The following SSBP2 variants were observed in gnomAD, a reference collection of about 807,000 sequenced individuals.
The protein encoded by SSBP2 is single-stranded DNA-binding protein 2.
A neutral mutation model predicts 61.8 loss-of-function variants in SSBP2; 17 were observed. The observed-to-expected ratio is 0.28, with a 90% CI of 0.19 to 0.41. The LOEUF (loss-of-function observed/expected upper bound fraction) is 0.41, where lower values mean the gene tolerates loss of function less well. Ranked by LOEUF, SSBP2 falls within the 10% of genes least tolerant of loss-of-function variation. The probability of loss-of-function intolerance (pLI) is 1.00; values close to 1 mark genes in which losing one functional copy is unlikely to be tolerated. For missense variants in SSBP2, 310 were observed against 458.7 expected (o/e 0.68, Z 2.96); for synonymous variants, 139 against 141.3 (o/e 0.98, Z 0.12).
At chr5:81,636,739 A>G (rs1748276137) in intron 2 of SSBP2, 121 bp from the exon 3 acceptor site, 1 of 850,326 alleles carries the variant, frequency 1.2e-6, no homozygotes, top group East Asian at 2.7e-5. Flanking sequence ...CATTTTCATG[A>G]TATTTTTTAC....
rs188247665 is a variant in SSBP2, at chr5:81,472,281, A to G, written c.570+1419T>C. ...GAAGCTTTCCCAAGAGAGACAAAGG[A>G]TGTTTTAGCTAAAATGCATGATATC... On this transcript the variant is annotated intron_variant, in intron 8 of 16. Coordinates refer to ENST00000320672, the MANE Select transcript of SSBP2 (RefSeq NM_012446.5). Among the ~76,000 whole-genome samples the G allele has an allele frequency of 3.5e-4, 53 of 152,286 alleles. No homozygotes were observed. In the Middle Eastern group the frequency reaches 0.027, roughly 78 times the overall value.
chr5:81,596,324 C>T (rs1743744791), intron 4 of SSBP2, among the ~76,000 whole-genome samples: 2 of 143,118 alleles, frequency 1.4e-5, no homozygotes, highest in Admixed American at 7.1e-5. Context: ...AACCACTGCT[C>T]AACGAAATAA....
At chr5:81,739,808 G>A (rs538144593) in intron 1 of SSBP2, among the ~76,000 whole-genome samples, 2 of 152,062 alleles carry the variant, frequency 1.3e-5, no homozygotes, top group South Asian at 2.1e-4. Context: ...ACTTTCTTAC[G>A]CTATTCTATA....
At chr5:81,664,735 T>C (rs1214389836) in intron 1 of SSBP2, among the ~76,000 whole-genome samples, 1 of 152,124 alleles carries the variant, frequency 6.6e-6, no homozygotes, top group Admixed American at 6.5e-5. Flanking sequence ...TAGAAAGAAA[T>C]AAATTGGCTT....
intron 10 of SSBP2, 103 bp downstream of exon 10, chr5:81,460,952 T>A (rs1053574382): frequency 2.7e-5 from 15 of 565,362 alleles, no homozygotes; most frequent in Non-Finnish European, 3.9e-5. Flanking sequence ...AAAAAAGGGT[T>A]ACTACAACCA....
At chr5:81,590,826 C>G (rs1180127409) in intron 4 of SSBP2, among the ~76,000 whole-genome samples, 1 of 152,188 alleles carries the variant, frequency 6.6e-6, no homozygotes, top group Admixed American at 6.5e-5. Flanking sequence ...AGATCCATTA[C>G]AGCTGTGGGA....
chr5:81,576,909 T>C (rs76207371), intron 4 of SSBP2, among the ~76,000 whole-genome samples: 5 of 152,154 alleles, frequency 3.3e-5, no homozygotes, highest in Non-Finnish European at 7.4e-5. Context: ...GTATATAGTT[T>C]TAGTTTTCCT....
At chr5:81,432,910 GC>G in intron 15 of SSBP2, among the ~76,000 whole-genome samples, 1 of 140,428 alleles carries the variant, frequency 7.1e-6, no homozygotes, top group Non-Finnish European at 1.6e-5. Context: ...TGCCCGGCCA[GC>G]CACCCCGTCC....
chr5:81,669,382 G>C (rs933938132), intron 1 of SSBP2, among the ~76,000 whole-genome samples: 6 of 152,090 alleles, frequency 3.9e-5, no homozygotes, highest in Admixed American at 2.0e-4. Flanking sequence ...ACAGATGTTT[G>C]GCAACTTTAT....
intron 4 of SSBP2, among the ~76,000 whole-genome samples, chr5:81,551,391 G>A (rs1304046445): frequency 1.3e-5 from 2 of 152,058 alleles, no homozygotes; most frequent in African/African-American, 4.8e-5. Flanking sequence ...GGTATTTCAA[G>A]TGAAGCACCT....
At chr5:81,554,531 A>T (rs1371529768) in intron 4 of SSBP2, among the ~76,000 whole-genome samples, 1 of 151,704 alleles carries the variant, frequency 6.6e-6, no homozygotes, top group African/African-American at 2.4e-5. Context: ...ATCCACATAT[A>T]TTCTTGCTCT....
intron 8 of SSBP2, among the ~76,000 whole-genome samples, chr5:81,467,805 C>G (rs141120214): frequency 5.3e-5 from 8 of 151,962 alleles, no homozygotes; most frequent in Non-Finnish European, 1.2e-4. Context: ...TCCAACTCTT[C>G]TGGGTACTCT....
At chr5:81,422,836 G>A (rs1761696066) in intron 16 of SSBP2, among the ~76,000 whole-genome samples, 1 of 152,204 alleles carries the variant, frequency 6.6e-6, no homozygotes, top group Non-Finnish European at 1.5e-5. Context: ...GGGGAACAGA[G>A]TACCATTTCA....
chr5:81,749,325 T>C (rs888637947), intron 1 of SSBP2, among the ~76,000 whole-genome samples: 3 of 152,192 alleles, frequency 2.0e-5, no homozygotes, highest in African/African-American at 7.2e-5. Flanking sequence ...TTTGTTTTGC[T>C]TTGCTACATC....
chr5:81,659,909 A>C (rs1028405871), intron 1 of SSBP2, among the ~76,000 whole-genome samples: 29 of 152,204 alleles, frequency 1.9e-4, no homozygotes, highest in African/African-American at 7.0e-4. Flanking sequence ...ATCTTTGACA[A>C]ACCTGACAAA....
intron 4 of SSBP2, among the ~76,000 whole-genome samples, chr5:81,603,268 T>C (rs762181874): frequency 2.6e-5 from 4 of 152,176 alleles, no homozygotes; most frequent in Non-Finnish European, 4.4e-5. Flanking sequence ...GCTCAGATGA[T>C]TAGAAGGCTA....
chr5:81,748,971 C>A (rs2154031325), intron 1 of SSBP2, among the ~76,000 whole-genome samples: 1 of 152,066 alleles, frequency 6.6e-6, no homozygotes, highest in African/African-American at 2.4e-5. Flanking sequence ...CCTGGAAGTT[C>A]ACCTAAAATC....
chr5:81,524,545 T>C (rs1249359564), intron 4 of SSBP2, among the ~76,000 whole-genome samples: 1 of 152,050 alleles, frequency 6.6e-6, no homozygotes, highest in African/African-American at 2.4e-5. Context: ...TGGATAATAG[T>C]TTTTCATGAG....
intron 4 of SSBP2, among the ~76,000 whole-genome samples, chr5:81,538,115 C>A (rs1438453259): frequency 6.6e-6 from 1 of 152,070 alleles, no homozygotes; most frequent in Non-Finnish European, 1.5e-5. Flanking sequence ...CCTCTTGTAC[C>A]AAACAGTCAA....
Sources: allele counts gnomAD v4.1 joint callset (sites outside exome capture counted in the v4.1 genomes callset), GRCh38; gene constraint gnomAD v4.1.1; transcripts MANE v1.5; gene names NCBI Gene and HGNC (gene_info 2026-07-23, HGNC 2026-07-21).